Variants in KIF1A observed in about 807,000 individuals in gnomAD.
KIF1A encodes kinesin-like protein KIF1A.
Under a neutral mutation model 227.3 loss-of-function variants are expected in KIF1A, and 46 were observed. That is an observed-to-expected ratio of 0.20 (90% CI 0.16 to 0.26). KIF1A has a LOEUF of 0.26. KIF1A is among the 10% of genes least tolerant of loss of function. KIF1A has a pLI of 1.00. For synonymous variants in KIF1A, 1,022 were observed against 1,012.8 expected (o/e 1.01, Z -0.17); for missense variants, 1,683 against 2,485.9 (o/e 0.68, Z 6.87).
At chr2:240,773,493 CCGCT>C (rs1457422762) in intron 12 of KIF1A, among the ~76,000 whole-genome samples, 1 of 152,158 alleles carries the variant, frequency 6.6e-6, no homozygotes, top group African/African-American at 2.4e-5. Context: ...CACCCAGTTC[CCGCT>C]CGCCCACTTG....
At chr2:240,745,638 A>T (rs1422022325) in intron 31 of KIF1A, 100 bp downstream of exon 31, 4 of 1,508,796 alleles carry the variant, frequency 2.7e-6, no homozygotes, top group Non-Finnish European at 3.6e-6. Flanking sequence ...GGGCCAACAC[A>T]GCACCAACAT....
Position 240,721,790 on chromosome 2 carries a change from A to T in KIF1A, c.4743+17T>A. 1 of 1,592,628 alleles carries T rather than the reference A, an allele frequency of 6.3e-7. No homozygotes were observed. The highest frequency in any genetic ancestry group is 8.5e-7 in the Non-Finnish European group (1 of 1,172,240). On this transcript the variant is annotated intron_variant, in intron 44 of 48. Coordinates refer to ENST00000498729, the MANE Select transcript of KIF1A (RefSeq NM_001244008.2). ...CGAGCCCTGCGGGGCAGCCTGGTGC[A>T]GCCCCTCTGCACCCACCTTGCTCTC...
intron 7 of KIF1A, among the ~76,000 whole-genome samples, chr2:240,784,521 C>A (rs538454900): frequency 3.9e-4 from 60 of 152,314 alleles, no homozygotes; most frequent in African/African-American, 1.4e-3. Flanking sequence ...ATGTGCCTGG[C>A]GGACCTCCAG....
In KIF1A at chr2:240,783,948, T is replaced by TC. The variant is rs1479780124; in HGVS notation, c.721-133dup. Reference sequence around the variant, plus strand: ...CGTCCCCTCTGCAAGGCGCCGCCCCTCCCCAGGCCCAGCAGTCCTGACCCC... The same window carrying TC: ...CGTCCCCTCTGCAAGGCGCCGCCCCTCCCCCAGGCCCAGCAGTCCTGACCCC... On this transcript the variant is annotated intron_variant, in intron 7 of 48. Transcript: ENST00000498729. The TC allele has an allele frequency of 8.6e-6, 6 of 694,198 alleles. No individual in the cohort carries two copies. In the East Asian group the frequency reaches 1.4e-4, roughly 16 times the overall value. The allele number at this position is 694,198 out of a possible 1,614,324, so 43.0% of individuals were successfully genotyped here. A position where few individuals can be genotyped will look rare whatever the true frequency, so the allele number is the denominator to read the frequency against.
rs1036752054 is a variant in KIF1A, at chr2:240,792,937, C to T, written c.107-3625G>A. On this transcript the variant is annotated intron_variant, in intron 2 of 48. Transcript: ENST00000498729. The surrounding 1 kb of genome is among the most constrained non-coding windows in gnomAD (Gnocchi z 4.5). The stretch of plus-strand genomic sequence containing the variant: ...CCTGTGGGCATCTTGATTGGACTTC[C>T]GCCTCCAGACTGCGGAGAAGGGAAC... Among the ~76,000 whole-genome samples, 2 of 152,176 alleles carry T rather than the reference C, an allele frequency of 1.3e-5. No homozygotes were observed. The highest frequency in any genetic ancestry group is 6.5e-5 in the Admixed American group (1 of 15,290).
At chr2:240,781,451 A>T (rs1195500357) in intron 10 of KIF1A, among the ~76,000 whole-genome samples, 4 of 62,904 alleles carry the variant, frequency 6.4e-5, no homozygotes, top group African/African-American at 1.1e-4. Flanking sequence ...ACACACACAC[A>T]CACACACAGC....
rs2052670905 is a variant in KIF1A, at chr2:240,775,954, G to A, written c.883-28C>T. 3 of 1,510,950 alleles carry A rather than the reference G, an allele frequency of 2.0e-6. No individual in the cohort carries two copies. The African/African-American group carries it at 4.1e-5, about 21-fold the overall frequency. 93.6% of individuals were successfully genotyped at this position (1,510,950 alleles called of 1,614,324 possible). ...GTGGGGGAGGAACATTCAAGGTCAA[G>A]CCCGAGCCCACTGCAGAGGAAGCGA... On this transcript the variant is annotated intron_variant, in intron 10 of 48. Coordinates refer to ENST00000498729, the MANE Select transcript of KIF1A (RefSeq NM_001244008.2). The surrounding 1 kb of genome is among the most constrained non-coding windows in gnomAD (Gnocchi z 5.5).
At chr2:240,750,691 A>C (rs1054687100) in intron 27 of KIF1A, 144 bp from the exon 28 acceptor site, 68 of 647,498 alleles carry the variant, frequency 1.1e-4, no homozygotes, top group Non-Finnish European at 1.7e-4. Flanking sequence ...CAAGGCCAGG[A>C]CAGCAAGAGC....
rs1280551443 is a variant in KIF1A at position 240,797,804 on chromosome 2, G to A, written c.-52C>T. On this transcript the variant is annotated 5_prime_UTR_variant, in exon 2 of 49. Coordinates refer to ENST00000498729, the MANE Select transcript of KIF1A (RefSeq NM_001244008.2). Reference sequence around the variant, plus strand: ...CGCAGTAGTGGGAGCCCCAGTGTGGGGGGAACACCTTGGAAAAAAGGGAAA... The same window carrying A: ...CGCAGTAGTGGGAGCCCCAGTGTGGAGGGAACACCTTGGAAAAAAGGGAAA... 9 of 1,155,590 alleles carry A rather than the reference G, an allele frequency of 7.8e-6. No homozygotes were observed. The East Asian group carries it at 2.2e-4, about 28-fold the overall frequency. The allele number at this position is 1,155,590 out of a possible 1,614,324, so 71.6% of individuals were successfully genotyped here.
chr2:240,733,161 GAAA>G (rs2046946925), intron 38 of KIF1A, among the ~76,000 whole-genome samples: 1 of 151,992 alleles, frequency 6.6e-6, no homozygotes, highest in Admixed American at 6.6e-5. Context: ...AGTCACACGT[GAAA>G]GATCAATGAG....
chr2:240,743,827 G>C, intron 33 of KIF1A, 115 bp downstream of exon 33: 1 of 683,980 alleles, frequency 1.5e-6, no homozygotes, highest in Non-Finnish European at 2.5e-6. Flanking sequence ...GATGGGCAGG[G>C]GAGGTGGGTT....
At chr2:240,797,494 T>C (rs955914083) in intron 2 of KIF1A, among the ~76,000 whole-genome samples, 153 bp downstream of exon 2, 1 of 152,226 alleles carries the variant, frequency 6.6e-6, no homozygotes, top group Non-Finnish European at 1.5e-5. Flanking sequence ...TGGCAGTTTG[T>C]TACAGCAGCC....
chr2:240,778,537 C>T lies in KIF1A; in HGVS notation c.883-2611G>A, dbSNP rs2053087844. 6.6e-6 allele frequency among the ~76,000 whole-genome samples: 1 copy of T among 151,410 alleles called. No homozygotes were observed. Among genetic ancestry groups the T allele is most frequent in the Non-Finnish European group, 1.5e-5 (1 of 67,848 alleles). ...ACACACACACACACACACACACACACACACACAGGCTTCTCAGTGTCCCAC... is the reference window on the plus strand; with the variant it reads ...ACACACACACACACACACACACACATACACACAGGCTTCTCAGTGTCCCAC... On this transcript the variant is annotated intron_variant, in intron 10 of 48. Transcript: ENST00000498729. The surrounding 1 kb of genome is among the most constrained non-coding windows in gnomAD (Gnocchi z 7.2).
chr2:240,755,729 C>T (rs1160013598), intron 27 of KIF1A, among the ~76,000 whole-genome samples: 1 of 152,226 alleles, frequency 6.6e-6, no homozygotes, highest in Non-Finnish European at 1.5e-5. Context: ...AAGGACCCAG[C>T]TCTTTCTGGC....
chr2:240,803,443 G>A (rs913664328), intron 1 of KIF1A, among the ~76,000 whole-genome samples: 5 of 152,204 alleles, frequency 3.3e-5, no homozygotes, highest in African/African-American at 1.2e-4. Flanking sequence ...GAATCTTCTA[G>A]ATCAGTCTCC....
At chr2:240,802,529 A>G (rs1327002872) in intron 1 of KIF1A, among the ~76,000 whole-genome samples, 1 of 152,256 alleles carries the variant, frequency 6.6e-6, no homozygotes, top group Non-Finnish European at 1.5e-5. Context: ...TTCTGTTCAT[A>G]AGAGACTCTA....
intron 47 of KIF1A, 135 bp downstream of exon 47, chr2:240,718,871 C>G: frequency 1.4e-6 from 1 of 691,680 alleles, no homozygotes; most frequent in Non-Finnish European, 2.4e-6. Flanking sequence ...CTGAGCCCAG[C>G]CTCCGTGGAA....
In KIF1A at chr2:240,757,835, G is replaced by A. The variant is rs1404248573; in HGVS notation, c.2583-241C>T. 2.6e-5 allele frequency among the ~76,000 whole-genome samples: 4 copies of A among 152,224 alleles called. No homozygotes were observed. In the East Asian group the frequency reaches 7.7e-4, roughly 29 times the overall value. ...CCGGAGGACACCTGCAGGTGGGACT[G>A]AGAACAGGGGTCTCGGCTGGGAGTG... On this transcript the variant is annotated intron_variant, in intron 26 of 48. Coordinates refer to ENST00000498729, the MANE Select transcript of KIF1A (RefSeq NM_001244008.2). This position sits in a 1 kb window ranked among gnomAD's most constrained non-coding sequence, Gnocchi z 6.2.
chr2:240,779,684 ACACTCACTTCCT>A (rs2053347561), intron 10 of KIF1A, among the ~76,000 whole-genome samples: 1 of 142,696 alleles, frequency 7.0e-6, no homozygotes, highest in Non-Finnish European at 1.5e-5. Flanking sequence ...TCACAGTTCC[ACACTCACTTCCT>A]CACTCAGTTC....
Sources: allele counts gnomAD v4.1 joint callset (sites outside exome capture counted in the v4.1 genomes callset), GRCh38; gene constraint gnomAD v4.1.1; non-coding constraint Gnocchi (gnomAD v3.1); transcripts MANE v1.5; gene names NCBI Gene and HGNC (gene_info 2026-07-23, HGNC 2026-07-21).